ZBTB20: variants seen among roughly 807,000 people sequenced by gnomAD.
ZBTB20 encodes zinc finger and BTB domain-containing protein 20.
In ZBTB20, 9 loss-of-function variants were observed where a neutral mutation model predicts 56.9. The ratio of observed to expected loss-of-function variants is 0.16; its 90% confidence interval spans 0.10 to 0.28. The LOEUF (loss-of-function observed/expected upper bound fraction) is 0.28, where lower values mean the gene tolerates loss of function less well. ZBTB20 is among the 10% of genes least tolerant of loss of function. The pLI is 1.00. For missense variants in ZBTB20, 655 were observed against 1,003.0 expected (o/e 0.65, Z 4.69); for synonymous variants, 417 against 420.7 (o/e 0.99, Z 0.11).
At chr3:114,377,387 T>C (rs1231620561) in intron 10 of ZBTB20, among the ~76,000 whole-genome samples, 1 of 152,220 alleles carries the variant, frequency 6.6e-6, no homozygotes, top group African/African-American at 2.4e-5. Context: ...ATATTTCTTC[T>C]TGTTTTGAAT....
At chr3:114,567,161 T>C (rs2052869058) in intron 6 of ZBTB20, among the ~76,000 whole-genome samples, 2 of 152,192 alleles carry the variant, frequency 1.3e-5, no homozygotes, top group African/African-American at 2.4e-5. Flanking sequence ...CACATGTTAT[T>C]GTGTGACTTT....
intron 4 of ZBTB20, among the ~76,000 whole-genome samples, chr3:114,847,905 T>C (rs2074798245): frequency 6.6e-6 from 1 of 152,194 alleles, no homozygotes. Flanking sequence ...CATACTGCAT[T>C]AAAATCCAAC....
At position 114,323,383 on chromosome 3, in the gene ZBTB20, A is replaced by G. The variant is rs1318836293; in HGVS notation, c.*15622T>C. 1 of 152,142 alleles carries G rather than the reference A, an allele frequency of 6.6e-6. No individual in the cohort carries two copies. The highest frequency in any genetic ancestry group is 1.5e-5 in the Non-Finnish European group (1 of 68,010). 9.4% of individuals were successfully genotyped at this position (152,142 alleles called of 1,614,324 possible). A position where few individuals can be genotyped will look rare whatever the true frequency, so the allele number is the denominator to read the frequency against. On this transcript the variant is annotated 3_prime_UTR_variant, in exon 12 of 12. Coordinates refer to ENST00000675478, the MANE Select transcript of ZBTB20 (RefSeq NM_001348800.3). ...TTCAGTGTTTATTGCACTGTTCCCT[A>G]TCTGTCATCTTAAAGGACTTTACCA...
rs1345873748 is a variant in ZBTB20 at position 114,397,401 on chromosome 3, TG to T, written c.-254-8297del. ...TAGCTCTCATCTCCTCTAATATCTC[TG>T]AATTTTCATTATTTTATTTCCTCAG... On this transcript the variant is annotated intron_variant, in intron 7 of 11. Transcript: ENST00000675478. Among the ~76,000 whole-genome samples the T allele has an allele frequency of 2.1e-3, 318 of 152,310 alleles. 2 individuals carry two copies. Among genetic ancestry groups the T allele is most frequent in the African/African-American group, 7.2e-3 (299 of 41,578 alleles).
chr3:114,440,129 T>C (rs1008895124), intron 7 of ZBTB20, among the ~76,000 whole-genome samples: 1 of 152,004 alleles, frequency 6.6e-6, no homozygotes, highest in African/African-American at 2.4e-5. Flanking sequence ...ACCTTCACAA[T>C]GGATGCACAC....
At chr3:114,675,892 T>C (rs4682547) in intron 6 of ZBTB20, among the ~76,000 whole-genome samples, 146,476 of 152,038 alleles carry the variant, frequency 0.96, 70,819 homozygotes, top group East Asian at 1. Flanking sequence ...TTAATATCAG[T>C]TAATATTTAT....
rs543842411 is a variant in ZBTB20 at position 114,672,940 on chromosome 3, G to A, written c.-295+20588C>T. ...TCAATGGCCCTTTCTTGACTTATTA[G>A]AACCTCCATGAGCTAGAAATTCTTG... is the stretch of plus-strand genomic sequence containing the variant. On this transcript the variant is annotated intron_variant, in intron 6 of 11. Coordinates refer to ENST00000675478, the MANE Select transcript of ZBTB20 (RefSeq NM_001348800.3). 2.6e-5 allele frequency among the ~76,000 whole-genome samples: 4 copies of A among 152,192 alleles called. No individual in the cohort carries two copies. The South Asian group carries it at 8.3e-4, about 32-fold the overall frequency.
chr3:114,975,700 G>A (rs1200727449), intron 2 of ZBTB20, among the ~76,000 whole-genome samples: 2 of 152,126 alleles, frequency 1.3e-5, no homozygotes, highest in South Asian at 4.1e-4. Flanking sequence ...AACAATTAAT[G>A]ATGAAGAAAT....
intron 7 of ZBTB20, among the ~76,000 whole-genome samples, chr3:114,489,231 T>C (rs1428379042): frequency 6.6e-6 from 1 of 152,124 alleles, no homozygotes; most frequent in Non-Finnish European, 1.5e-5. Flanking sequence ...CTGCAATAAA[T>C]ACTTAAAAAT....
At chr3:114,988,169 C>T (rs1347230219) in intron 2 of ZBTB20, among the ~76,000 whole-genome samples, 1 of 147,270 alleles carries the variant, frequency 6.8e-6, no homozygotes, top group African/African-American at 2.5e-5. Context: ...CATATGTATA[C>T]ATGTACCATG....
Position 114,339,487 on chromosome 3 carries a change from T to G in ZBTB20, c.1805-61A>C. 1 of 1,513,534 alleles carries G rather than the reference T, an allele frequency of 6.6e-7. No homozygotes were observed. The highest frequency in any genetic ancestry group is 2.1e-5 in the Admixed American group (1 of 46,792). The allele number at this position is 1,513,534 out of a possible 1,614,324, so 93.8% of individuals were successfully genotyped here. A position where few individuals can be genotyped will look rare whatever the true frequency, so the allele number is the denominator to read the frequency against. On this transcript the variant is annotated intron_variant, in intron 11 of 11. Coordinates refer to ENST00000675478, the MANE Select transcript of ZBTB20 (RefSeq NM_001348800.3). The surrounding 1 kb of genome is among the most constrained non-coding windows in gnomAD (Gnocchi z 4.2). ...GCGAGACATAGCAAGGGATAGAGAA[T>G]GAAGGACAGGAAAAACAAGACAACA...
chr3:114,821,402 T>C (rs1031276064), intron 4 of ZBTB20, among the ~76,000 whole-genome samples: 5 of 152,114 alleles, frequency 3.3e-5, no homozygotes, highest in African/African-American at 7.2e-5. Context: ...CAAGTATGTA[T>C]GACAGTCAAG....
chr3:114,393,314 A>T (rs2108646978), intron 7 of ZBTB20, among the ~76,000 whole-genome samples: 1 of 152,346 alleles, frequency 6.6e-6, no homozygotes, highest in South Asian at 2.1e-4. Context: ...TGCAGTGAAA[A>T]ATTATCTGGC....
intron 1 of ZBTB20, among the ~76,000 whole-genome samples, chr3:115,116,441 G>C (rs1042415653): frequency 6.6e-6 from 1 of 151,956 alleles, no homozygotes; most frequent in Admixed American, 6.6e-5. Flanking sequence ...TTTGGACTCA[G>C]ATTTTAAAAA....
intron 1 of ZBTB20, among the ~76,000 whole-genome samples, chr3:115,145,184 C>T (rs1398410543): frequency 6.6e-6 from 1 of 152,162 alleles, no homozygotes; most frequent in Admixed American, 6.5e-5. Context: ...TCACCATGCA[C>T]TATGTGTGCA....
At chr3:115,129,379 A>T (rs868397281) in intron 1 of ZBTB20, among the ~76,000 whole-genome samples, 1 of 152,208 alleles carries the variant, frequency 6.6e-6, no homozygotes, top group South Asian at 2.1e-4. Context: ...TACAGACTAT[A>T]GTGTATTAAG....
intron 5 of ZBTB20, chr3:114,791,704 T>G (rs1213486745): frequency 6.6e-6 from 1 of 152,146 alleles, no homozygotes; most frequent in Non-Finnish European, 1.5e-5. Context: ...TAGGCAAATT[T>G]TATATGGTCA....
At chr3:114,970,228 A>C (rs1452581872) in intron 3 of ZBTB20, among the ~76,000 whole-genome samples, 2 of 152,202 alleles carry the variant, frequency 1.3e-5, no homozygotes, top group Non-Finnish European at 2.9e-5. Flanking sequence ...TCTGAAATTC[A>C]CTAATTAGTT....
At chr3:114,727,840 TTAA>T (rs2065421348) in intron 5 of ZBTB20, among the ~76,000 whole-genome samples, 1 of 152,128 alleles carries the variant, frequency 6.6e-6, no homozygotes, top group African/African-American at 2.4e-5. Flanking sequence ...CAAAGTATAA[TTAA>T]TAATAATAAC....
Sources: gnomAD v4.1 joint callset for allele counts (sites outside exome capture counted in the v4.1 genomes callset) on GRCh38, gnomAD v4.1.1 for gene constraint, Gnocchi (gnomAD v3.1) non-coding constraint, MANE v1.5 for transcripts, NCBI Gene and HGNC (gene_info 2026-07-23, HGNC 2026-07-21) for gene names.